Variants in ERBB4 observed in about 807,000 individuals in gnomAD.
ERBB4 encodes erb-b2 receptor tyrosine kinase 4, also known as receptor tyrosine-protein kinase erbB-4.
A neutral mutation model predicts 158.0 loss-of-function variants in ERBB4; 42 were observed. The ratio of observed to expected loss-of-function variants is 0.27; its 90% confidence interval spans 0.21 to 0.34. ERBB4 has a LOEUF of 0.34. ERBB4 is among the 10% of genes least tolerant of loss of function. The pLI is 1.00. For missense variants in ERBB4, 1,333 were observed against 1,624.1 expected, an observed-to-expected ratio of 0.82 and a Z score of 3.08; for synonymous variants, 583 against 558.7, an observed-to-expected ratio of 1.04 and a Z score of -0.61.
At chr2:211,583,265 C>A (rs1403869966) in intron 19 of ERBB4, among the ~76,000 whole-genome samples, 4 of 151,920 alleles carry the variant, frequency 2.6e-5, no homozygotes, top group Admixed American at 1.3e-4. Context: ...TACTACATGA[C>A]ATTCAGAAAC....
chr2:211,678,036 T>C (rs1029110208), intron 13 of ERBB4, among the ~76,000 whole-genome samples: 1 of 152,144 alleles, frequency 6.6e-6, no homozygotes, highest in Non-Finnish European at 1.5e-5. Flanking sequence ...AAAGTGATTT[T>C]ATGAATATAT....
At chr2:212,478,635 T>G (rs892953111) in intron 1 of ERBB4, among the ~76,000 whole-genome samples, 1 of 152,036 alleles carries the variant, frequency 6.6e-6, no homozygotes, top group Non-Finnish European at 1.5e-5. Context: ...AGGTCCCTGA[T>G]GCCAGGAAGC....
At chr2:212,311,496 T>C (rs1253599514) in intron 1 of ERBB4, among the ~76,000 whole-genome samples, 2 of 151,060 alleles carry the variant, frequency 1.3e-5, no homozygotes, top group East Asian at 3.9e-4. Context: ...TAAAGCTATA[T>C]ATCTGAATAT....
chr2:211,663,058 C>A (rs1445288139), intron 15 of ERBB4, among the ~76,000 whole-genome samples: 1 of 152,140 alleles, frequency 6.6e-6, no homozygotes, highest in Non-Finnish European at 1.5e-5. Context: ...AATATCATAT[C>A]TCTATATGCT....
chr2:211,844,174 G>T (rs540439730), intron 3 of ERBB4, among the ~76,000 whole-genome samples: 1 of 151,930 alleles, frequency 6.6e-6, no homozygotes, highest in Non-Finnish European at 1.5e-5. Context: ...GAACACATAC[G>T]TAAAGTAATA....
intron 20 of ERBB4, among the ~76,000 whole-genome samples, chr2:211,553,756 G>A (rs1008287550): frequency 5.3e-5 from 8 of 152,148 alleles, no homozygotes; most frequent in Non-Finnish European, 1.0e-4. Flanking sequence ...GTAAGTGATA[G>A]AGATGAGATT....
At chr2:211,733,817 C>T (rs1179477381) in intron 5 of ERBB4, among the ~76,000 whole-genome samples, 3 of 151,364 alleles carry the variant, frequency 2.0e-5, no homozygotes, top group Non-Finnish European at 4.4e-5. Context: ...AGTGGTGGCT[C>T]ACACCTATAC....
intron 20 of ERBB4, among the ~76,000 whole-genome samples, chr2:211,508,145 A>T (rs1309235999): frequency 6.6e-6 from 1 of 152,164 alleles, no homozygotes; most frequent in Admixed American, 6.5e-5. Flanking sequence ...GGATCTAATC[A>T]AACTAAAGAG....
At chr2:212,425,318 T>A (rs2091884040) in intron 1 of ERBB4, among the ~76,000 whole-genome samples, 2 of 119,932 alleles carry the variant, frequency 1.7e-5, no homozygotes, top group African/African-American at 8.5e-5. Flanking sequence ...AATATATATG[T>A]GTTGGATAAA....
chr2:211,582,535 T>A (rs2125774491), intron 19 of ERBB4, among the ~76,000 whole-genome samples: 1 of 152,320 alleles, frequency 6.6e-6, no homozygotes, highest in South Asian at 2.1e-4. Flanking sequence ...TATTAGAAAA[T>A]GTTTCTGTGG....
intron 3 of ERBB4, among the ~76,000 whole-genome samples, chr2:211,923,729 T>C (rs921055731): frequency 7.2e-5 from 11 of 152,040 alleles, no homozygotes; most frequent in Non-Finnish European, 1.5e-4. Context: ...TGTATTGTAT[T>C]GTATTGTATT....
intron 3 of ERBB4, among the ~76,000 whole-genome samples, chr2:211,862,903 C>T (rs182451607): frequency 7.2e-5 from 11 of 152,188 alleles, no homozygotes; most frequent in African/African-American, 2.4e-4. Context: ...CACCAATCAG[C>T]GCTCTGTGTC....
intron 2 of ERBB4, among the ~76,000 whole-genome samples, chr2:212,035,155 C>G (rs910079586): frequency 6.6e-6 from 1 of 152,084 alleles, no homozygotes; most frequent in Non-Finnish European, 1.5e-5. Context: ...AAAATTCAAG[C>G]CTGTGTTAAT....
chr2:212,201,402 C>T (rs2082582662), intron 1 of ERBB4, among the ~76,000 whole-genome samples: 1 of 152,054 alleles, frequency 6.6e-6, no homozygotes, highest in South Asian at 2.1e-4. Context: ...GTGGATTCAC[C>T]TGATAGTGGA....
At chr2:211,955,877 C>T (rs1230620728) in intron 2 of ERBB4, among the ~76,000 whole-genome samples, 2 of 152,056 alleles carry the variant, frequency 1.3e-5, no homozygotes, top group Non-Finnish European at 2.9e-5. Flanking sequence ...ATAAACTCTG[C>T]TAAATTTAAT....
intron 1 of ERBB4, among the ~76,000 whole-genome samples, chr2:212,410,333 C>G (rs141493573): frequency 6.6e-6 from 1 of 151,910 alleles, no homozygotes; most frequent in Admixed American, 6.6e-5. Context: ...AATTTCATTA[C>G]GTACAAATCA....
chr2:212,210,044 C>A (rs1165548713), intron 1 of ERBB4, among the ~76,000 whole-genome samples: 1 of 152,016 alleles, frequency 6.6e-6, no homozygotes, highest in Admixed American at 6.6e-5. Flanking sequence ...CATTTAGCCT[C>A]TGGCTAAAAG....
chr2:212,061,581 A>G (rs769912128), intron 2 of ERBB4, among the ~76,000 whole-genome samples: 2 of 151,682 alleles, frequency 1.3e-5, no homozygotes, highest in Non-Finnish European at 2.9e-5. Flanking sequence ...CCATGATAAC[A>G]GTCATTAAAA....
intron 2 of ERBB4, among the ~76,000 whole-genome samples, chr2:212,100,219 TG>T (rs1261140817): frequency 6.6e-6 from 1 of 152,160 alleles, no homozygotes; most frequent in African/African-American, 2.4e-5. Flanking sequence ...GACCTTATCC[TG>T]GCCTCAATTA....
Sources: gnomAD v4.1 joint callset for allele counts (sites outside exome capture counted in the v4.1 genomes callset) on GRCh38, gnomAD v4.1.1 for gene constraint, MANE v1.5 for transcripts, NCBI Gene and HGNC (gene_info 2026-07-23, HGNC 2026-07-21) for gene names.